The following EPM2A variants were observed in gnomAD, a reference collection of about 807,000 sequenced individuals.
EPM2A encodes laforin.
Under a neutral mutation model 26.5 loss-of-function variants are expected in EPM2A, and 21 were observed. The observed-to-expected ratio is 0.79, with a 90% CI of 0.56 to 1.14. The LOEUF is 1.14. Among genes scored for constraint, EPM2A ranks in the 50% most tolerant of loss-of-function variants. The pLI is 0.00. For missense variants in EPM2A, 458 were observed against 440.8 expected (o/e 1.04, Z -0.35); for synonymous variants, 217 against 177.6 (o/e 1.22, Z -1.76).
At chr6:145,584,452 G>A (rs1781159650) in intron 2 of EPM2A, among the ~76,000 whole-genome samples, 1 of 152,168 alleles carries the variant, frequency 6.6e-6, no homozygotes, top group African/African-American at 2.4e-5. Context: ...GTCTTCCAAA[G>A]GCTAACGCCA....
chr6:145,589,829 AAGCC>A (rs906348270), intron 2 of EPM2A, among the ~76,000 whole-genome samples: 4 of 151,864 alleles, frequency 2.6e-5, no homozygotes, highest in Non-Finnish European at 5.9e-5. Flanking sequence ...CTGAAGCATT[AAGCC>A]AGCAGAAGCA....
chr6:145,500,189 G>T (rs922777636), downstream of EPM2A, among the ~76,000 whole-genome samples: 1 of 152,148 alleles, frequency 6.6e-6, no homozygotes, highest in African/African-American at 2.4e-5. Context: ...TCATTTATAT[G>T]GATGTTCCAA....
chr6:145,488,609 C>A (rs1779710505), intron 4 of EPM2A, among the ~76,000 whole-genome samples: 1 of 151,700 alleles, frequency 6.6e-6, no homozygotes, highest in East Asian at 1.9e-4. Flanking sequence ...TTTAACCCCA[C>A]AGTTTAGCAC....
chr6:145,489,554 C>A lies in EPM2A; in HGVS notation c.555+12968G>T. The A allele has an allele frequency of 5.5e-6, 4 of 732,534 alleles. No individual in the cohort carries two copies. The African/African-American group carries it at 7.1e-5, about 13-fold the overall frequency. The allele number at this position is 732,534 out of a possible 1,614,324, so 45.4% of individuals were successfully genotyped here. ...TAACTTTGGTCCACTTGTCTGTTAGCTTAAGGACAGTCATACTGCCCATAA... is the reference window on the plus strand; with the variant it reads ...TAACTTTGGTCCACTTGTCTGTTAGATTAAGGACAGTCATACTGCCCATAA... On this transcript the variant is annotated intron_variant, in intron 4 of 4. Coordinates refer to the EPM2A transcript ENST00000638717.
At chr6:145,715,777 G>C (rs1365465703) in intron 1 of EPM2A, among the ~76,000 whole-genome samples, 1 of 152,172 alleles carries the variant, frequency 6.6e-6, no homozygotes, top group African/African-American at 2.4e-5. Flanking sequence ...AGAAGCTAAT[G>C]CCTGATGATC....
intron 4 of EPM2A, among the ~76,000 whole-genome samples, chr6:145,473,252 G>GCCATT (rs1275764123): frequency 6.6e-6 from 1 of 151,904 alleles, no homozygotes; most frequent in Admixed American, 6.6e-5. Context: ...CCTGAAAAAT[G>GCCATT]CCATTGGCAT....
intron 4 of EPM2A, among the ~76,000 whole-genome samples, chr6:145,396,653 T>C (rs889297700): frequency 6.6e-6 from 1 of 151,880 alleles, no homozygotes; most frequent in Non-Finnish European, 1.5e-5. Flanking sequence ...AACTTTGCAA[T>C]GTCTGCCCTC....
chr6:145,621,021 T>C (rs1461809305), downstream of EPM2A, among the ~76,000 whole-genome samples: 2 of 152,198 alleles, frequency 1.3e-5, no homozygotes, highest in Non-Finnish European at 2.9e-5. Flanking sequence ...CATCATCATG[T>C]TGTAATTAAT....
chr6:145,502,718 G>C (rs1779909521), intron 2 of EPM2A: 8 of 310,802 alleles, frequency 2.6e-5, no homozygotes, highest in South Asian at 1.5e-4. Context: ...ATAGTATTTA[G>C]CAAATTAGAA....
chr6:145,624,056 T>C (rs1400310469), downstream of EPM2A, among the ~76,000 whole-genome samples: 1 of 152,198 alleles, frequency 6.6e-6, no homozygotes, highest in Non-Finnish European at 1.5e-5. Flanking sequence ...TCATTATTGC[T>C]ATAATGAGGG....
At chr6:145,664,793 C>T (rs1400362589) in intron 2 of EPM2A, among the ~76,000 whole-genome samples, 1 of 151,958 alleles carries the variant, frequency 6.6e-6, no homozygotes, top group African/African-American at 2.4e-5. Flanking sequence ...TGTAAAAGAA[C>T]AGAAATTATA....
intron 2 of EPM2A, among the ~76,000 whole-genome samples, chr6:145,506,750 A>T (rs1348696555): frequency 2.0e-5 from 3 of 152,228 alleles, no homozygotes; most frequent in African/African-American, 7.2e-5. Flanking sequence ...GGCGTGGCCC[A>T]GTCTCCAGCT....
At chr6:145,420,509 C>T (rs1778768222) in intron 4 of EPM2A, among the ~76,000 whole-genome samples, 1 of 152,024 alleles carries the variant, frequency 6.6e-6, no homozygotes. Flanking sequence ...AACATTTGTT[C>T]AAATAAATGA....
chr6:145,689,005 T>C (rs1288889947), intron 1 of EPM2A, among the ~76,000 whole-genome samples: 1 of 152,224 alleles, frequency 6.6e-6, no homozygotes, highest in Admixed American at 6.5e-5. Flanking sequence ...TATAATTGAC[T>C]TACAACAATT....
At chr6:145,463,483 T>C (rs1294181226) in intron 4 of EPM2A, 1 of 152,148 alleles carries the variant, frequency 6.6e-6, no homozygotes, top group African/African-American at 2.4e-5. Context: ...TGCACATACA[T>C]ACATATAATT....
chr6:145,555,280 C>G (rs1562380690), intron 2 of EPM2A, among the ~76,000 whole-genome samples: 1 of 152,058 alleles, frequency 6.6e-6, no homozygotes, highest in Non-Finnish European at 1.5e-5. Flanking sequence ...CCTGGACCAG[C>G]TCCAGGGCAG....
chr6:145,690,881 T>C (rs1781238219), intron 1 of EPM2A, among the ~76,000 whole-genome samples: 1 of 150,834 alleles, frequency 6.6e-6, no homozygotes, highest in Non-Finnish European at 1.5e-5. Context: ...TTAAGAGCAA[T>C]ATGGAAGGGA....
intron 4 of EPM2A, among the ~76,000 whole-genome samples, chr6:145,458,735 T>C (rs370184234): frequency 6.6e-6 from 1 of 152,026 alleles, no homozygotes; most frequent in Admixed American, 6.6e-5. Context: ...CAAAAAATCC[T>C]GATGAAATAG....
At chr6:145,523,764 C>CT (rs889849429) in intron 2 of EPM2A, among the ~76,000 whole-genome samples, 20 of 152,110 alleles carry the variant, frequency 1.3e-4, no homozygotes, top group Non-Finnish European at 2.2e-4. Flanking sequence ...TGTCCCTCAC[C>CT]TTTTTTTTCA....
Sources: gnomAD v4.1 joint callset for allele counts (sites outside exome capture counted in the v4.1 genomes callset) on GRCh38, gnomAD v4.1.1 for gene constraint, MANE v1.5 for transcripts, NCBI Gene and HGNC (gene_info 2026-07-23, HGNC 2026-07-21) for gene names.